Variants in RNF213 observed in about 807,000 individuals in gnomAD.
RNF213 encodes the protein ring finger protein 213.
A neutral mutation model predicts 514.4 loss-of-function variants in RNF213; 341 were observed. The ratio of observed to expected loss-of-function variants is 0.66; its 90% CI spans 0.61 to 0.73. The LOEUF (loss-of-function observed/expected upper bound fraction) is 0.73, where lower values mean the gene tolerates loss of function less well. Among genes scored for constraint, RNF213 ranks in the 30% least tolerant of loss-of-function variants. RNF213 has a pLI of 0.00. For missense variants in RNF213, 5,767 were observed against 6,615.6 expected (o/e 0.87, Z 4.45); for synonymous variants, 2,655 against 2,658.2 (o/e 1.00, Z 0.04).
chr17:80,363,847 T>G, intron 41 of RNF213, 57 bp downstream of exon 41: 1 of 1,528,286 alleles, frequency 6.5e-7, no homozygotes, highest in Non-Finnish European at 9.0e-7. Context: ...ACCAGGAGCC[T>G]GCCAAGTGCC....
intron 3 of RNF213, among the ~76,000 whole-genome samples, chr17:80,282,157 C>T (rs1008676134): frequency 8.5e-5 from 13 of 152,240 alleles, no homozygotes; most frequent in Middle Eastern, 3.4e-3. Context: ...GAGGCCGGCC[C>T]CCGACACCAT....
In RNF213 at chr17:80,397,783, T is replaced by C. The variant is rs1355113358; in HGVS notation, c.*4285T>C. 6.6e-6 allele frequency: 1 copy of C among 150,972 alleles called. No homozygotes were observed. The highest frequency in any genetic ancestry group is 2.4e-5 in the African/African-American group (1 of 41,062). 9.4% of individuals were successfully genotyped at this position (150,972 alleles called of 1,614,324 possible). Reference sequence around the variant, plus strand: ...TTCTCTGCAGCTTGTCCTGCTACATTTCTTGGTTCCCTGACCAGGAATCTA... The same window carrying C: ...TTCTCTGCAGCTTGTCCTGCTACATCTCTTGGTTCCCTGACCAGGAATCTA... On this transcript the variant is annotated 3_prime_UTR_variant, in exon 68 of 68. Transcript: ENST00000582970.
intron 1 of RNF213, among the ~76,000 whole-genome samples, chr17:80,262,228 AGG>A (rs942732896): frequency 2.5e-4 from 38 of 151,896 alleles, no homozygotes; most frequent in African/African-American, 8.5e-4. Context: ...TGGCAGGGGT[AGG>A]GGAGTTTTAA....
At chr17:80,381,790 G>T in intron 57 of RNF213, 63 bp downstream of exon 57, 1 of 1,490,100 alleles carries the variant, frequency 6.7e-7, no homozygotes, top group Non-Finnish European at 9.1e-7. Context: ...AAGCAGGCTC[G>T]CTGTCTTGTG....
chr17:80,313,528 T>C (rs1001340136), intron 15 of RNF213, among the ~76,000 whole-genome samples: 1 of 114,810 alleles, frequency 8.7e-6, no homozygotes, highest in Non-Finnish European at 1.8e-5. Flanking sequence ...GTGGTGAAGG[T>C]GATGGTGATG....
chr17:80,291,878 A>T, intron 8 of RNF213, 51 bp downstream of exon 8: 1 of 1,596,072 alleles, frequency 6.3e-7, no homozygotes, highest in Middle Eastern at 1.7e-4. Context: ...TGCAGGTGCC[A>T]ATCCCGCGGT....
At chr17:80,392,644 C>A (rs1420258953) in intron 67 of RNF213, among the ~76,000 whole-genome samples, 1 of 151,864 alleles carries the variant, frequency 6.6e-6, no homozygotes, top group African/African-American at 2.4e-5. Flanking sequence ...GGCTGGAGTG[C>A]AGTGGTGCAA....
At chr17:80,311,564 A>G (rs1056648358) in intron 14 of RNF213, among the ~76,000 whole-genome samples, 1 of 152,166 alleles carries the variant, frequency 6.6e-6, no homozygotes, top group Non-Finnish European at 1.5e-5. Context: ...CAGCACCTGC[A>G]TCCTGGTCCC....
rs2078223641 is a variant in RNF213 at position 80,343,580 on chromosome 17, C to G, written c.6183+255C>G. Among the ~76,000 whole-genome samples the G allele has an allele frequency of 6.6e-6, 1 of 152,192 alleles. No homozygotes were observed. The highest frequency in any genetic ancestry group is 1.5e-5 in the Non-Finnish European group (1 of 68,032). On this transcript the variant is annotated intron_variant, in intron 27 of 67. Coordinates refer to ENST00000582970, the MANE Select transcript of RNF213 (RefSeq NM_001256071.3). This position sits in a 1 kb window ranked among gnomAD's most constrained non-coding sequence, Gnocchi z 4.3. ...AGGCTTTATGGTACACACTGTCGCT[C>G]CTAGGCCGCAAACCTGTGCTGCATA...
intron 3 of RNF213, among the ~76,000 whole-genome samples, chr17:80,276,778 C>T (rs1013052175): frequency 6.6e-6 from 1 of 152,224 alleles, no homozygotes; most frequent in East Asian, 1.9e-4. Flanking sequence ...CTAGGCCGGG[C>T]GCGGTGGCTC....
chr17:80,387,186 A>G (rs1305723839), intron 63 of RNF213, among the ~76,000 whole-genome samples: 1 of 152,206 alleles, frequency 6.6e-6, no homozygotes, highest in Non-Finnish European at 1.5e-5. Flanking sequence ...AGTGGTGCCA[A>G]GCCTCCACCT....
rs2078604050 is a variant in RNF213 at position 80,353,384 on chromosome 17, T to C, written c.10424-128T>C. ...GACCGTGATCTCTCATCTGGGGACC[T>C]AGCACCACAGCAGGGGCCGGGGAAG... On this transcript the variant is annotated intron_variant, in intron 33 of 67. Transcript: ENST00000582970. The surrounding 1 kb of genome is among the most constrained non-coding windows in gnomAD (Gnocchi z 5.0). 1.8e-6 allele frequency: 2 copies of C among 1,092,494 alleles called. No individual in the cohort carries two copies. Among genetic ancestry groups the C allele is most frequent in the South Asian group, 2.7e-5 (2 of 74,414 alleles). The allele number at this position is 1,092,494 out of a possible 1,614,324, so 67.7% of individuals were successfully genotyped here.
intron 19 of RNF213, 26 bp downstream of exon 19, chr17:80,328,015 C>T (rs1183453552): frequency 1.3e-6 from 2 of 1,536,284 alleles, no homozygotes; most frequent in Non-Finnish European, 1.7e-6. Flanking sequence ...ATACGCACTT[C>T]AGGCTCCTGA....
In RNF213 at chr17:80,354,003, C is replaced by G; in HGVS notation, c.10579-16C>G. ...TCAGTGGCAGAAACGGATGACCCAA[C>G]CGTCTCCACCAACAGGTGTCGATCC... On this transcript the variant is annotated splice_polypyrimidine_tract_variant and intron_variant, in intron 34 of 67. Transcript: ENST00000582970. 1.2e-6 allele frequency: 2 copies of G among 1,613,568 alleles called. No homozygotes were observed. The highest frequency in any genetic ancestry group is 1.7e-6 in the Non-Finnish European group (2 of 1,179,990).
chr17:80,271,596 C>T (rs987707779), intron 2 of RNF213, among the ~76,000 whole-genome samples: 2 of 152,150 alleles, frequency 1.3e-5, no homozygotes, highest in African/African-American at 2.4e-5. Flanking sequence ...GAGGTGGGGT[C>T]GTCCAGACCC....
In RNF213 at chr17:80,355,654, A is replaced by G. The variant is rs77869167; in HGVS notation, c.10862+1078A>G. On this transcript the variant is annotated intron_variant, in intron 36 of 67. Transcript: ENST00000582970. ...GCTTACAGGGGAAGAAGCGGGGTGG[A>G]CGGGAATGGGGGCTTACAGGGGGAA... Among the ~76,000 whole-genome samples the G allele has an allele frequency of 2.1e-4, 7 of 32,910 alleles. No homozygotes were observed. In the South Asian group the frequency reaches 5.9e-3, roughly 28 times the overall value. The allele number at this position is 32,910 out of a possible 152,430, so 21.6% of individuals were successfully genotyped here.
intron 11 of RNF213, among the ~76,000 whole-genome samples, chr17:80,303,863 T>C (rs887630928): frequency 3.3e-5 from 5 of 151,206 alleles, no homozygotes; most frequent in Non-Finnish European, 7.4e-5. Context: ...AGCCACCCAC[T>C]GTGCCTGGCC....
At position 80,380,824 on chromosome 17, in the gene RNF213, T is replaced by C; in HGVS notation, c.13641-7T>C. The C allele has an allele frequency of 6.2e-7, 1 of 1,614,248 alleles. No individual in the cohort carries two copies. Among genetic ancestry groups the C allele is most frequent in the Non-Finnish European group, 8.5e-7 (1 of 1,180,042 alleles). On this transcript the variant is annotated splice_region_variant and splice_polypyrimidine_tract_variant and intron_variant, in intron 55 of 67. Transcript: ENST00000582970. ...GCCTCTGTCTTGTGTTCTCTCGTTC[T>C]TTCCAGAGACAAGGCAGACAGAACG...
chr17:80,285,752 C>T (rs1320641177), intron 3 of RNF213, among the ~76,000 whole-genome samples: 1 of 151,338 alleles, frequency 6.6e-6, no homozygotes, highest in Non-Finnish European at 1.5e-5. Flanking sequence ...CTGACCGCAG[C>T]CTCTGCCTCC....
Sources: gnomAD v4.1 joint callset for allele counts (sites outside exome capture counted in the v4.1 genomes callset) on GRCh38, gnomAD v4.1.1 for gene constraint, Gnocchi (gnomAD v3.1) non-coding constraint, MANE v1.5 for transcripts, NCBI Gene and HGNC (gene_info 2026-07-23, HGNC 2026-07-21) for gene names.